Variants in CCSER1 observed in about 807,000 individuals in gnomAD.
CCSER1 encodes the protein serine-rich coiled-coil domain-containing protein 1.
A neutral mutation model predicts 82.0 loss-of-function variants in CCSER1; 41 were observed. The ratio of observed to expected loss-of-function variants is 0.50; its 90% CI spans 0.39 to 0.65. The LOEUF (loss-of-function observed/expected upper bound fraction) is 0.65, where lower values mean the gene tolerates loss of function less well. CCSER1 is among the 30% of genes least tolerant of loss of function. The probability of loss-of-function intolerance (pLI) is 0.00; values close to 1 mark genes in which losing one functional copy is unlikely to be tolerated. For synonymous variants in CCSER1, 414 were observed against 383.9 expected, an observed-to-expected ratio of 1.08 and a Z score of -0.92; for missense variants, 1,119 against 1,064.2, an observed-to-expected ratio of 1.05 and a Z score of -0.72.
At chr4:91,113,890 T>A (rs1399692544) in intron 10 of CCSER1, among the ~76,000 whole-genome samples, 1 of 151,904 alleles carries the variant, frequency 6.6e-6, no homozygotes, top group Non-Finnish European at 1.5e-5. Context: ...TCTCGCTCTG[T>A]CGCTCAGGCT....
chr4:90,966,193 T>C (rs1239503959), intron 9 of CCSER1, among the ~76,000 whole-genome samples: 1 of 151,970 alleles, frequency 6.6e-6, no homozygotes, highest in African/African-American at 2.4e-5. Context: ...GAAAGACTAT[T>C]TGAAGATATG....
At chr4:90,899,212 C>T (rs1200804051) in intron 8 of CCSER1, among the ~76,000 whole-genome samples, 1 of 151,780 alleles carries the variant, frequency 6.6e-6, no homozygotes, top group African/African-American at 2.4e-5. Context: ...TTTTTTGTGG[C>T]AATTGTAAAT....
At chr4:91,441,920 TG>T (rs1755184030) in intron 10 of CCSER1, among the ~76,000 whole-genome samples, 1 of 152,124 alleles carries the variant, frequency 6.6e-6, no homozygotes, top group African/African-American at 2.4e-5. Context: ...ACAAGGGATG[TG>T]AAGGACCTCT....
chr4:91,088,653 G>A (rs958926379), intron 10 of CCSER1, among the ~76,000 whole-genome samples: 1 of 152,092 alleles, frequency 6.6e-6, no homozygotes, highest in Non-Finnish European at 1.5e-5. Context: ...CGTGCATATT[G>A]TGTATACAAT....
intron 10 of CCSER1, among the ~76,000 whole-genome samples, chr4:91,284,471 G>A (rs1460085236): frequency 6.6e-6 from 1 of 152,088 alleles, no homozygotes; most frequent in East Asian, 1.9e-4. Flanking sequence ...CCTCGGCAGA[G>A]TCAGATACCT....
In CCSER1 at chr4:90,143,151, A is replaced by G. The variant is rs531935687; in HGVS notation, c.-42+15320A>G. On this transcript the variant is annotated intron_variant, in intron 1 of 10. Coordinates refer to ENST00000509176, the MANE Select transcript of CCSER1 (RefSeq NM_001145065.2). ...GCTCATTTGAAGGGGAGGAAGACAG[A>G]CAATGAGAAGTAACTGTGTTACTGC... Among the ~76,000 whole-genome samples the G allele has an allele frequency of 2.0e-5, 3 of 152,314 alleles. No individual in the cohort carries two copies. The East Asian group carries it at 5.8e-4, about 29-fold the overall frequency.
intron 5 of CCSER1, among the ~76,000 whole-genome samples, chr4:90,470,128 A>G (rs1032072899): frequency 2.6e-5 from 4 of 152,166 alleles, no homozygotes; most frequent in Non-Finnish European, 5.9e-5. Context: ...AAGTAAAGCT[A>G]CCATCATTTT....
intron 3 of CCSER1, among the ~76,000 whole-genome samples, chr4:90,390,759 T>C (rs1352098561): frequency 2.6e-5 from 4 of 152,196 alleles, no homozygotes; most frequent in Admixed American, 2.6e-4. Context: ...CAAGTGTATA[T>C]ATCTTTTTGG....
At chr4:90,841,349 C>T (rs35958829) in intron 8 of CCSER1, among the ~76,000 whole-genome samples, 19,786 of 151,902 alleles carry the variant, frequency 0.13, 1,472 homozygotes, top group African/African-American at 0.21. Flanking sequence ...GAGGCCGAGG[C>T]GGGTAGATCA....
chr4:90,785,930 A>G (rs1490543654), intron 7 of CCSER1, among the ~76,000 whole-genome samples: 1 of 152,212 alleles, frequency 6.6e-6, no homozygotes. Context: ...TTATGTAGCA[A>G]ATACTCATAT....
intron 8 of CCSER1, among the ~76,000 whole-genome samples, chr4:90,911,526 G>GCTT (rs1726355899): frequency 6.6e-6 from 1 of 152,164 alleles, no homozygotes; most frequent in Non-Finnish European, 1.5e-5. Context: ...AATAGGAACA[G>GCTT]CTTCAGTCTA....
chr4:91,033,196 T>C (rs770200175), intron 9 of CCSER1, among the ~76,000 whole-genome samples: 26 of 152,114 alleles, frequency 1.7e-4, no homozygotes, highest in Non-Finnish European at 3.1e-4. Context: ...AAAGATATTC[T>C]CATGAAGACA....
In CCSER1 at chr4:91,019,366, T is replaced by G. The variant is rs1468959767; in HGVS notation, c.2173-66584T>G. ...GCTATTTAGAATTTACTTTTGCTAA[T>G]TTTTCATTACAGAAGACATCATCAT... is the stretch of plus-strand genomic sequence containing the variant. On this transcript the variant is annotated intron_variant, in intron 9 of 10. Transcript: ENST00000509176. Among the ~76,000 whole-genome samples, 4 of 152,102 alleles carry G rather than the reference T, an allele frequency of 2.6e-5. No homozygotes were observed. The East Asian group carries it at 7.7e-4, about 29-fold the overall frequency.
chr4:91,438,559 T>G (rs1560671178), intron 10 of CCSER1, among the ~76,000 whole-genome samples: 1 of 152,104 alleles, frequency 6.6e-6, no homozygotes, highest in Non-Finnish European at 1.5e-5. Context: ...AACTGGATAC[T>G]CTAAAAAGCA....
intron 6 of CCSER1, among the ~76,000 whole-genome samples, chr4:90,675,703 TATG>T (rs1560930085): frequency 8.1e-3 from 2 of 246 alleles, no homozygotes; most frequent in Non-Finnish European, 0.01. Flanking sequence ...TTTTTTTTTT[TATG>T]TGTTTTTTTT....
chr4:91,268,887 C>A (rs1295909749), intron 10 of CCSER1, among the ~76,000 whole-genome samples: 1 of 152,180 alleles, frequency 6.6e-6, no homozygotes, highest in Non-Finnish European at 1.5e-5. Flanking sequence ...ATTTTCACTT[C>A]TTTTGTGATT....
intron 10 of CCSER1, among the ~76,000 whole-genome samples, chr4:91,202,689 C>T (rs1419177805): frequency 5.5e-5 from 2 of 36,576 alleles, no homozygotes; most frequent in Non-Finnish European, 1.0e-4. Flanking sequence ...GTCCGTAGAC[C>T]AAGAAATCAA....
intron 10 of CCSER1, among the ~76,000 whole-genome samples, chr4:91,226,990 T>C (rs1212381228): frequency 4.0e-5 from 6 of 151,890 alleles, no homozygotes. Context: ...TTACATGAAT[T>C]GATCCACATC....
intron 5 of CCSER1, among the ~76,000 whole-genome samples, chr4:90,517,020 C>T (rs1772378752): frequency 6.6e-6 from 1 of 152,058 alleles, no homozygotes. Flanking sequence ...CATAAAGCCA[C>T]CATAAATTGA....
Sources: gnomAD v4.1 joint callset for allele counts (sites outside exome capture counted in the v4.1 genomes callset) on GRCh38, gnomAD v4.1.1 for gene constraint, MANE v1.5 for transcripts, NCBI Gene and HGNC (gene_info 2026-07-23, HGNC 2026-07-21) for gene names.